The following EXOC5 variants were observed in gnomAD, a reference collection of about 807,000 sequenced individuals.
EXOC5 encodes the protein SEC10-like 1.
In EXOC5, 17 loss-of-function variants were observed where a neutral mutation model predicts 90.8. The observed-to-expected ratio is 0.19, with a 90% confidence interval of 0.13 to 0.28. EXOC5 has a LOEUF of 0.28. EXOC5 is among the 10% of genes least tolerant of loss of function. EXOC5 has a pLI of 1.00. For synonymous variants in EXOC5, 260 were observed against 270.0 expected (o/e 0.96, Z 0.36); for missense variants, 569 against 830.6 (o/e 0.69, Z 3.87).
intron 13 of EXOC5, among the ~76,000 whole-genome samples, chr14:57,221,984 A>T (rs1261452116): frequency 6.6e-6 from 1 of 152,148 alleles, no homozygotes. Context: ...ATTTTACATT[A>T]CTCAATTCCC....
At position 57,201,921 on chromosome 14, in the gene EXOC5, A is replaced by G. The variant is rs1882520655; in HGVS notation, c.*6688T>C. 6.6e-6 allele frequency: 1 copy of G among 152,034 alleles called. No homozygotes were observed. The highest frequency in any genetic ancestry group is 2.1e-4 in the South Asian group (1 of 4,826). The allele number at this position is 152,034 out of a possible 1,614,324, so 9.4% of individuals were successfully genotyped here. On this transcript the variant is annotated 3_prime_UTR_variant, in exon 18 of 18. Transcript: ENST00000621441. ...ATAAGGGGGACCTATATATGTCTGT[A>G]TCTATTAATATATATCTACCTCCAA...
At chr14:57,236,477 G>C (rs1169117701) in intron 6 of EXOC5, among the ~76,000 whole-genome samples, 1 of 151,516 alleles carries the variant, frequency 6.6e-6, no homozygotes, top group Admixed American at 6.6e-5. Flanking sequence ...ATAGAGACGG[G>C]GTTTCACTAT....
chr14:57,213,504 T>C (rs1882885460), intron 15 of EXOC5, among the ~76,000 whole-genome samples: 1 of 151,708 alleles, frequency 6.6e-6, no homozygotes, highest in African/African-American at 2.4e-5. Flanking sequence ...GACTGCCAGG[T>C]TCAAGCAACT....
intron 6 of EXOC5, among the ~76,000 whole-genome samples, chr14:57,236,870 G>T (rs948642814): frequency 6.6e-6 from 1 of 151,328 alleles, no homozygotes; most frequent in Non-Finnish European, 1.5e-5. Context: ...AACTAATCAT[G>T]TAAGGAGTTA....
intron 6 of EXOC5, among the ~76,000 whole-genome samples, chr14:57,236,470 G>C (rs1883663070): frequency 6.6e-6 from 1 of 151,736 alleles, no homozygotes; most frequent in African/African-American, 2.4e-5. Flanking sequence ...ATTTTTAATA[G>C]AGACGGGGTT....
chr14:57,201,478 ACGTG>A lies in EXOC5; in HGVS notation c.*7127_*7130del, dbSNP rs1882502141. 3.8e-5 allele frequency: 5 copies of A among 132,534 alleles called. No homozygotes were observed. Among genetic ancestry groups the A allele is most frequent in the African/African-American group, 1.9e-4 (5 of 26,318 alleles). The allele number at this position is 132,534 out of a possible 1,614,324, so 8.2% of individuals were successfully genotyped here. ...TACACACGCGTGTATATGTACACAC[ACGTG>A]TATAAACACACGTGTATATACACAC... On this transcript the variant is annotated 3_prime_UTR_variant, in exon 18 of 18. Coordinates refer to ENST00000621441, the MANE Select transcript of EXOC5 (RefSeq NM_006544.4).
rs183997705 is a variant in EXOC5 at position 57,266,994 on chromosome 14, T to C, written c.27+1628A>G. ...AAAGGATAATGTCTTATGAACTGTA[T>C]GACAACATATATAACAGTTTTCAGT... On this transcript the variant is annotated intron_variant, in intron 1 of 17. Coordinates refer to ENST00000621441, the MANE Select transcript of EXOC5 (RefSeq NM_006544.4). Among the ~76,000 whole-genome samples, 193 of 152,290 alleles carry C rather than the reference T, an allele frequency of 1.3e-3. 1 individual carries two copies. Among genetic ancestry groups the C allele is most frequent in the Non-Finnish European group, 4.6e-4 (31 of 68,018 alleles).
intron 1 of EXOC5, among the ~76,000 whole-genome samples, chr14:57,252,611 T>C (rs751389184): frequency 5.3e-5 from 8 of 152,106 alleles, no homozygotes; most frequent in Non-Finnish European, 1.2e-4. Context: ...TATTAGAATG[T>C]CTATTATCAA....
At chr14:57,219,733 T>A (rs1383217168) in intron 13 of EXOC5, among the ~76,000 whole-genome samples, 1 of 152,116 alleles carries the variant, frequency 6.6e-6, no homozygotes, top group Non-Finnish European at 1.5e-5. Flanking sequence ...GGCCTCTTTA[T>A]CTCTGATAAC....
rs911126609 is a variant in EXOC5, at chr14:57,268,778, G to T, written c.-130C>A. 3 of 1,444,264 alleles carry T rather than the reference G, an allele frequency of 2.1e-6. No individual in the cohort carries two copies. Among genetic ancestry groups the T allele is most frequent in the Non-Finnish European group, 2.7e-6 (3 of 1,105,070 alleles). The allele number at this position is 1,444,264 out of a possible 1,614,324, so 89.5% of individuals were successfully genotyped here. A position where few individuals can be genotyped will look rare whatever the true frequency, so the allele number is the denominator to read the frequency against. On this transcript the variant is annotated 5_prime_UTR_variant, in exon 1 of 18. It adds an upstream start codon to the 5' untranslated region. Transcript: ENST00000621441. ...GCTCCGGGCCGCTGCGGGCTCCCCA[G>T]CTCCCCACAGATCCCAGGAGGGGCG...
chr14:57,225,938 C>CACCCT (rs1211357845), intron 12 of EXOC5, among the ~76,000 whole-genome samples: 1 of 152,148 alleles, frequency 6.6e-6, no homozygotes, highest in Non-Finnish European at 1.5e-5. Flanking sequence ...AGTCTTTGAC[C>CACCCT]ACCCTTTCAC....
intron 10 of EXOC5, chr14:57,232,298 C>T (rs373178804): frequency 1.3e-5 from 2 of 157,144 alleles, no homozygotes; most frequent in East Asian, 1.9e-4. Context: ...GAGACAATCT[C>T]TAAGAGTAAC....
intron 12 of EXOC5, among the ~76,000 whole-genome samples, 159 bp downstream of exon 12, chr14:57,229,573 GTA>G (rs1197320078): frequency 6.6e-6 from 1 of 152,092 alleles, no homozygotes; most frequent in Non-Finnish European, 1.5e-5. Context: ...ACTAATTAAA[GTA>G]TAAATGAGGA....
At chr14:57,209,180 A>T (rs1317677579) in intron 17 of EXOC5, among the ~76,000 whole-genome samples, 1 of 152,112 alleles carries the variant, frequency 6.6e-6, no homozygotes, top group Non-Finnish European at 1.5e-5. Context: ...GGATGTCAAT[A>T]AGTCAAAGAC....
intron 10 of EXOC5, 121 bp downstream of exon 10, chr14:57,232,546 T>C (rs1883518189): frequency 1.9e-6 from 1 of 537,454 alleles, no homozygotes; most frequent in African/African-American, 1.9e-5. Flanking sequence ...CAGCTAAGCA[T>C]TTAATGCTAA....
intron 1 of EXOC5, among the ~76,000 whole-genome samples, chr14:57,257,543 TAGGTGGA>T (rs1566506305): frequency 6.6e-6 from 1 of 152,030 alleles, no homozygotes; most frequent in African/African-American, 2.4e-5. Flanking sequence ...GGCACCAGTG[TAGGTGGA>T]AGAAAATAAG....
At position 57,208,145 on chromosome 14, in the gene EXOC5, A is replaced by G. The variant is rs1343641753; in HGVS notation, c.*464T>C. 1 of 152,998 alleles carries G rather than the reference A, an allele frequency of 6.5e-6. No individual in the cohort carries two copies. The highest frequency in any genetic ancestry group is 1.5e-5 in the Non-Finnish European group (1 of 68,418). 9.5% of individuals were successfully genotyped at this position (152,998 alleles called of 1,614,324 possible). On this transcript the variant is annotated 3_prime_UTR_variant, in exon 18 of 18. Transcript: ENST00000621441. ...ACGAAAACCTAAAATAATCTGATTAACAATTGATGCTGAAAAGGTCATTAA... is the reference window on the plus strand; with the variant it reads ...ACGAAAACCTAAAATAATCTGATTAGCAATTGATGCTGAAAAGGTCATTAA...
intron 11 of EXOC5, among the ~76,000 whole-genome samples, 193 bp downstream of exon 11, chr14:57,231,313 T>C (rs1375767164): frequency 6.6e-6 from 1 of 152,154 alleles, no homozygotes. Flanking sequence ...CCGGCTTACA[T>C]TTCAATCATG....
intron 17 of EXOC5, 49 bp downstream of exon 17, chr14:57,209,518 T>A: frequency 9.9e-7 from 1 of 1,008,422 alleles, no homozygotes; most frequent in East Asian, 2.4e-5. Context: ...ATAATCTGAC[T>A]TATGCTCCTG....
Sources: gnomAD v4.1 joint callset for allele counts (sites outside exome capture counted in the v4.1 genomes callset) on GRCh38, gnomAD v4.1.1 for gene constraint, MANE v1.5 for transcripts, NCBI Gene and HGNC (gene_info 2026-07-23, HGNC 2026-07-21) for gene names.